METTL15: variants seen among roughly 807,000 people sequenced by gnomAD.
METTL15 encodes the protein methyltransferase 15, mitochondrial 12S rRNA N4-cytidine.
METTL15 carries 34 observed loss-of-function variants against 38.3 expected under a neutral mutation model. The ratio of observed to expected loss-of-function variants is 0.89; its 90% confidence interval spans 0.68 to 1.18. The LOEUF is 1.18. METTL15 is among the 50% of genes most tolerant of loss of function. METTL15 has a pLI of 0.00. For missense variants in METTL15, 438 were observed against 498.4 expected (o/e 0.88, Z 1.15); for synonymous variants, 162 against 170.9 (o/e 0.95, Z 0.41).
In METTL15 at chr11:28,147,147, T is replaced by C. The variant is rs1022883179; in HGVS notation, c.270+33543T>C. 6.6e-5 allele frequency among the ~76,000 whole-genome samples: 10 copies of C among 151,918 alleles called. 1 individual carries two copies. Among genetic ancestry groups the C allele is most frequent in the Admixed American group, 6.6e-4 (10 of 15,228 alleles). ...AATACCTGATAGGTTTCAGGCACTT[T>C]ATATATATTATTTTTCTAAATCCTT... On this transcript the variant is annotated intron_variant, in intron 3 of 6. Transcript: ENST00000407364.
intron 5 of METTL15, among the ~76,000 whole-genome samples, chr11:28,403,579 G>A (rs1850649002): frequency 6.6e-6 from 1 of 151,772 alleles, no homozygotes; most frequent in African/African-American, 2.4e-5. Context: ...ACCAAAATTA[G>A]TCAGTATTAG....
intron 4 of METTL15, among the ~76,000 whole-genome samples, chr11:28,234,196 C>A (rs534362005): frequency 6.6e-6 from 1 of 152,040 alleles, no homozygotes; most frequent in East Asian, 1.9e-4. Flanking sequence ...TCTTAATCCA[C>A]TCTATCATTG....
At chr11:28,235,198 G>C (rs888690849) in intron 4 of METTL15, among the ~76,000 whole-genome samples, 2 of 151,928 alleles carry the variant, frequency 1.3e-5, no homozygotes, top group African/African-American at 4.8e-5. Context: ...ATGCTGTTTT[G>C]GTTACTGTAG....
intron 5 of METTL15, among the ~76,000 whole-genome samples, chr11:28,365,592 T>A (rs763693374): frequency 4.6e-5 from 7 of 152,180 alleles, no homozygotes; most frequent in Non-Finnish European, 5.9e-5. Flanking sequence ...CTGCTTTCTA[T>A]GTTAATTACA....
chr11:28,281,456 T>C (rs977453099), intron 4 of METTL15, among the ~76,000 whole-genome samples: 19 of 152,326 alleles, frequency 1.2e-4, no homozygotes, highest in Admixed American at 1.1e-3. Flanking sequence ...TGCTCCAATG[T>C]TGGGCTCACC....
At chr11:28,141,776 G>A (rs139065170) in intron 3 of METTL15, among the ~76,000 whole-genome samples, 3 of 152,286 alleles carry the variant, frequency 2.0e-5, no homozygotes, top group Admixed American at 6.5e-5. Context: ...ACAATGGCTG[G>A]TTATTGCTTA....
At chr11:28,272,415 G>T (rs554357406) in intron 4 of METTL15, among the ~76,000 whole-genome samples, 2 of 152,270 alleles carry the variant, frequency 1.3e-5, no homozygotes, top group South Asian at 2.1e-4. Context: ...CATGTCCTTT[G>T]CAGGGACATG....
At chr11:28,464,942 CCTTCAT>C in intron 6 of METTL15, among the ~76,000 whole-genome samples, 1 of 152,270 alleles carries the variant, frequency 6.6e-6, no homozygotes, top group South Asian at 2.1e-4. Flanking sequence ...AAGAGATGCC[CCTTCAT>C]CTTCCTTCTA....
intron 5 of METTL15, among the ~76,000 whole-genome samples, chr11:28,421,456 G>C (rs573766992): frequency 6.6e-6 from 1 of 151,840 alleles, no homozygotes; most frequent in Non-Finnish European, 1.5e-5. Flanking sequence ...TACAAAAATC[G>C]TCAACAGTAT....
intron 3 of METTL15, among the ~76,000 whole-genome samples, chr11:28,350,042 G>A (rs1360305344): frequency 6.6e-6 from 1 of 152,124 alleles, no homozygotes; most frequent in Non-Finnish European, 1.5e-5. Context: ...TATTAGACAG[G>A]CTATTAGATA....
intron 4 of METTL15, among the ~76,000 whole-genome samples, chr11:28,282,794 A>C (rs1856105766): frequency 6.6e-6 from 1 of 152,178 alleles, no homozygotes; most frequent in Admixed American, 6.5e-5. Context: ...TGTGTAAGTG[A>C]GGCCATGTGG....
At chr11:28,479,536 C>T (rs1851378017) in intron 6 of METTL15, among the ~76,000 whole-genome samples, 1 of 152,186 alleles carries the variant, frequency 6.6e-6, no homozygotes, top group Non-Finnish European at 1.5e-5. Flanking sequence ...ACTTTGCCTG[C>T]TTTGCATACA....
At chr11:28,268,154 G>A (rs1466467193) in intron 4 of METTL15, among the ~76,000 whole-genome samples, 12 of 113,130 alleles carry the variant, frequency 1.1e-4, no homozygotes, top group African/African-American at 3.4e-4. Context: ...CCGAGATCCC[G>A]CCACTGCACT....
intron 5 of METTL15, among the ~76,000 whole-genome samples, chr11:28,378,219 G>T (rs931652228): frequency 6.6e-6 from 1 of 152,222 alleles, no homozygotes; most frequent in Non-Finnish European, 1.5e-5. Context: ...GTTTACCTAA[G>T]CAAGCTTGGG....
intron 3 of METTL15, among the ~76,000 whole-genome samples, chr11:28,194,152 C>CTTTCTTTCTTTCTTTCTTTCTTTCTT (rs1851811047): frequency 9.0e-6 from 1 of 111,342 alleles, no homozygotes; most frequent in African/African-American, 3.5e-5. Flanking sequence ...TTCTTTCTTT[C>CTTTCTTTCTTTCTTTCTTTCTTTCTT]TTTCTTTCTT....
chr11:28,342,203 A>G (rs950472968), intron 3 of METTL15, among the ~76,000 whole-genome samples: 2 of 152,078 alleles, frequency 1.3e-5, no homozygotes, highest in Non-Finnish European at 2.9e-5. Flanking sequence ...AGGTGTATCT[A>G]TGCCCTTCCC....
At chr11:28,153,790 A>G (rs1850172999) in intron 3 of METTL15, among the ~76,000 whole-genome samples, 1 of 152,082 alleles carries the variant, frequency 6.6e-6, no homozygotes, top group Admixed American at 6.6e-5. Flanking sequence ...AACAGAAACA[A>G]TTAAGGTCCC....
intron 6 of METTL15, among the ~76,000 whole-genome samples, chr11:28,447,876 C>T (rs1851088177): frequency 6.6e-6 from 1 of 152,084 alleles, no homozygotes; most frequent in South Asian, 2.1e-4. Flanking sequence ...GCACAGTGCC[C>T]AGTATTCTGA....
At position 28,403,957 on chromosome 11, in the gene METTL15, A is replaced by G. The variant is rs1041313427; in HGVS notation, c.*359-20342A>G. ...TGTATCCTGTGATTTCTGCTGTTAT[A>G]CATTCTGATGATGGGTAAATTACTG... On this transcript the variant is annotated intron_variant and NMD_transcript_variant, in intron 5 of 7. Transcript: ENST00000532947. Among the ~76,000 whole-genome samples, 22 of 152,064 alleles carry G rather than the reference A, an allele frequency of 1.4e-4. 1 individual carries two copies. Among genetic ancestry groups the G allele is most frequent in the African/African-American group, 4.8e-4 (20 of 41,520 alleles).
Sources: gnomAD v4.1 joint callset for allele counts (sites outside exome capture counted in the v4.1 genomes callset) on GRCh38, gnomAD v4.1.1 for gene constraint, MANE v1.5 for transcripts, NCBI Gene and HGNC (gene_info 2026-07-23, HGNC 2026-07-21) for gene names.